Variants in FKTN observed in about 807,000 individuals in gnomAD.
FKTN encodes ribitol-5-phosphate transferase FKTN.
A neutral mutation model predicts 58.6 loss-of-function variants in FKTN; 47 were observed. The observed-to-expected ratio is 0.80, with a 90% CI of 0.63 to 1.02. The LOEUF (loss-of-function observed/expected upper bound fraction) is 1.02, where lower values mean the gene tolerates loss of function less well. FKTN is among the 50% of genes least tolerant of loss of function. The pLI is 0.00. For missense variants in FKTN, 516 were observed against 537.3 expected, an observed-to-expected ratio of 0.96 and a Z score of 0.39; for synonymous variants, 178 against 191.9, an observed-to-expected ratio of 0.93 and a Z score of 0.60.
chr9:105,635,422 TAG>T lies in FKTN; in HGVS notation c.*159_*160del. 1 of 1,474,662 alleles carries T rather than the reference TAG, an allele frequency of 6.8e-7. No individual in the cohort carries two copies. The allele number at this position is 1,474,662 out of a possible 1,614,324, so 91.3% of individuals were successfully genotyped here. A position where few individuals can be genotyped will look rare whatever the true frequency, so the allele number is the denominator to read the frequency against. ...AGTCATCTGATGTAATTCTCTCACT[TAG>T]TACTGAGGAATTTTCATGTGCCACA... On this transcript the variant is annotated 3_prime_UTR_variant, in exon 11 of 11. Coordinates refer to ENST00000357998, the MANE Select transcript of FKTN (RefSeq NM_001079802.2).
In FKTN at chr9:105,598,193, C is replaced by G. The variant is rs554603271; in HGVS notation, c.165+1536C>G. 14 of 455,990 alleles carry G rather than the reference C, an allele frequency of 3.1e-5. No homozygotes were observed. The East Asian group carries it at 7.1e-4, about 23-fold the overall frequency. 28.2% of individuals were successfully genotyped at this position (455,990 alleles called of 1,614,324 possible). A position where few individuals can be genotyped will look rare whatever the true frequency, so the allele number is the denominator to read the frequency against. On this transcript the variant is annotated intron_variant, in intron 4 of 10. Coordinates refer to ENST00000357998, the MANE Select transcript of FKTN (RefSeq NM_001079802.2). ...CAGCTTACCACATTCAGTGAGTTCTCTTTATACTCTTTTACATTGAGGGGA... is the reference window on the plus strand; with the variant it reads ...CAGCTTACCACATTCAGTGAGTTCTGTTTATACTCTTTTACATTGAGGGGA...
chr9:105,565,182 C>G (rs2131754320), intron 1 of FKTN, among the ~76,000 whole-genome samples: 1 of 152,272 alleles, frequency 6.6e-6, no homozygotes, highest in Non-Finnish European at 1.5e-5. Flanking sequence ...CGATACCAGC[C>G]TCTGCAAAAA....
intron 3 of FKTN, among the ~76,000 whole-genome samples, chr9:105,581,701 C>T (rs574328438): frequency 1.3e-5 from 2 of 152,196 alleles, no homozygotes; most frequent in East Asian, 1.9e-4. Flanking sequence ...CCATGCAGTT[C>T]GAGCTTCCCG....
At chr9:105,595,851 G>C (rs753164873) in intron 3 of FKTN, among the ~76,000 whole-genome samples, 1 of 152,106 alleles carries the variant, frequency 6.6e-6, no homozygotes, top group East Asian at 1.9e-4. Flanking sequence ...TATAGATAAC[G>C]TATGCACTCA....
chr9:105,572,643 T>A (rs1840945036), intron 1 of FKTN, among the ~76,000 whole-genome samples: 1 of 151,748 alleles, frequency 6.6e-6, no homozygotes, highest in Admixed American at 6.6e-5. Context: ...AAAGGAAGAG[T>A]GAATGAGGAA....
At chr9:105,574,839 AG>A in intron 2 of FKTN, 105 bp from the exon 3 acceptor site, 1 of 568,130 alleles carries the variant, frequency 1.8e-6, no homozygotes, top group Non-Finnish European at 3.1e-6. Context: ...ACCAGATCAA[AG>A]AATGCCTGTG....
chr9:105,575,215 A>G, intron 3 of FKTN, 78 bp downstream of exon 3: 1 of 859,010 alleles, frequency 1.2e-6, no homozygotes, highest in Non-Finnish European at 2.0e-6. Flanking sequence ...TCTTTGCAAT[A>G]CATAATATTA....
At chr9:105,596,872 T>G in intron 4 of FKTN, 1 of 571,854 alleles carries the variant, frequency 1.7e-6, no homozygotes, top group Non-Finnish European at 3.1e-6. Flanking sequence ...GAGTAAATAT[T>G]GTTACTCTCA....
intron 3 of FKTN, among the ~76,000 whole-genome samples, chr9:105,587,638 A>G (rs1167718357): frequency 1.3e-5 from 2 of 152,178 alleles, no homozygotes; most frequent in East Asian, 1.9e-4. Context: ...CACTTCTTCT[A>G]TCACCCTCTC....
intron 3 of FKTN, among the ~76,000 whole-genome samples, chr9:105,580,218 G>T (rs1842614694): frequency 6.6e-6 from 1 of 152,156 alleles, no homozygotes; most frequent in South Asian, 2.1e-4. Context: ...TATGATGTTA[G>T]CTGCTGATTT....
intron 10 of FKTN, among the ~76,000 whole-genome samples, chr9:105,626,053 T>C (rs1487889167): frequency 2.0e-5 from 3 of 152,228 alleles, no homozygotes; most frequent in African/African-American, 7.2e-5. Context: ...TTACATGTTG[T>C]GGCTCTTCAT....
chr9:105,564,844 T>C (rs1036131005), intron 1 of FKTN, among the ~76,000 whole-genome samples: 2 of 152,076 alleles, frequency 1.3e-5, no homozygotes, highest in African/African-American at 4.8e-5. Flanking sequence ...AACACGTAAT[T>C]GTCAGATTCA....
intron 6 of FKTN, among the ~76,000 whole-genome samples, chr9:105,607,487 G>A (rs2132886064): frequency 6.6e-6 from 1 of 151,966 alleles, no homozygotes; most frequent in South Asian, 2.1e-4. Flanking sequence ...ATTGCTAATT[G>A]ATATCTGACA....
At chr9:105,569,381 C>T (rs1032292701) in intron 1 of FKTN, among the ~76,000 whole-genome samples, 6 of 152,126 alleles carry the variant, frequency 3.9e-5, no homozygotes, top group African/African-American at 1.4e-4. Context: ...AAATCCTGTA[C>T]CTTTTTTCAT....
rs563638608 is a variant in FKTN at position 105,610,157 on chromosome 9, A to G, written c.780+2206A>G. Among the ~76,000 whole-genome samples, 3 of 152,084 alleles carry G rather than the reference A, an allele frequency of 2.0e-5. No individual in the cohort carries two copies. The South Asian group carries it at 6.2e-4, about 32-fold the overall frequency. Reference sequence around the variant, plus strand: ...ACACTTTAGTACTTTTTGGCACTATAAAATATTCTGGGTTCATCTTACAAT... The same window carrying G: ...ACACTTTAGTACTTTTTGGCACTATGAAATATTCTGGGTTCATCTTACAAT... On this transcript the variant is annotated intron_variant, in intron 7 of 10. Coordinates refer to ENST00000357998, the MANE Select transcript of FKTN (RefSeq NM_001079802.2).
chr9:105,596,716 C>CT (rs1244488700), intron 4 of FKTN, 59 bp downstream of exon 4: 1 of 1,190,558 alleles, frequency 8.4e-7, no homozygotes, highest in Non-Finnish European at 1.3e-6. Context: ...CATTCATTTA[C>CT]TCCGTAAGTA....
chr9:105,605,941 ATTTACTC>A (rs1336713256), intron 6 of FKTN, among the ~76,000 whole-genome samples: 1 of 152,180 alleles, frequency 6.6e-6, no homozygotes, highest in Non-Finnish European at 1.5e-5. Flanking sequence ...TAGATACCCC[ATTTACTC>A]TGATGTGATT....
intron 1 of FKTN, among the ~76,000 whole-genome samples, chr9:105,562,966 C>A (rs955586252): frequency 1.3e-5 from 2 of 152,188 alleles, no homozygotes; most frequent in East Asian, 1.9e-4. Context: ...CACTTCCCCC[C>A]ACTCCTGCCT....
chr9:105,592,825 G>A (rs1588024001), intron 3 of FKTN, among the ~76,000 whole-genome samples: 1 of 152,070 alleles, frequency 6.6e-6, no homozygotes, highest in Admixed American at 6.5e-5. Context: ...CTTAGCCTGG[G>A]CTTCATTGTC....
Sources: allele counts gnomAD v4.1 joint callset (sites outside exome capture counted in the v4.1 genomes callset), GRCh38; gene constraint gnomAD v4.1.1; transcripts MANE v1.5; gene names NCBI Gene and HGNC (gene_info 2026-07-23, HGNC 2026-07-21).